SORCS3: variants seen among roughly 807,000 people sequenced by gnomAD.
SORCS3 encodes VPS10 domain-containing receptor SorCS3.
SORCS3 carries 57 observed loss-of-function variants against 146.3 expected under a neutral mutation model. That is an observed-to-expected ratio of 0.39 (90% CI 0.31 to 0.49). The LOEUF (loss-of-function observed/expected upper bound fraction) is 0.49. Ranked by LOEUF, SORCS3 falls within the 20% of genes least tolerant of loss-of-function variation. SORCS3 has a pLI of 0.92. For synonymous variants in SORCS3, 653 were observed against 618.5 expected (o/e 1.06, Z -0.83); for missense variants, 1,341 against 1,575.5 (o/e 0.85, Z 2.52).
chr10:104,848,414 A>G (rs2018232281), intron 2 of SORCS3, among the ~76,000 whole-genome samples: 1 of 152,310 alleles, frequency 6.6e-6, no homozygotes, highest in African/African-American at 2.4e-5. Flanking sequence ...AAGACTTCCC[A>G]GAAGTTATTA....
intron 1 of SORCS3, among the ~76,000 whole-genome samples, chr10:104,667,018 G>T (rs1300851482): frequency 1.3e-5 from 2 of 152,044 alleles, no homozygotes; most frequent in Non-Finnish European, 2.9e-5. Flanking sequence ...AGAGGAGAGA[G>T]AAGAGAGAGA....
chr10:104,977,951 C>T (rs1039031947), intron 4 of SORCS3, among the ~76,000 whole-genome samples: 1 of 151,802 alleles, frequency 6.6e-6, no homozygotes, highest in African/African-American at 2.4e-5. Context: ...AGGATGGTCT[C>T]GATCTCTTAA....
At chr10:105,154,334 C>T (rs1589658714) in intron 9 of SORCS3, among the ~76,000 whole-genome samples, 4 of 152,290 alleles carry the variant, frequency 2.6e-5, no homozygotes, top group Admixed American at 2.0e-4. Context: ...ATGGTAATTG[C>T]TTTTCTCAGC....
rs574115121 is a variant in SORCS3 at position 105,141,987 on chromosome 10, T to A, written c.1302+2501T>A. On this transcript the variant is annotated intron_variant, in intron 8 of 26. Transcript: ENST00000369701. Reference sequence around the variant, plus strand: ...TAAAGTGTTCGACAAATCTAAGGAATGGTTTTGGTCTGGGGGTAATAATAC... The same window carrying A: ...TAAAGTGTTCGACAAATCTAAGGAAAGGTTTTGGTCTGGGGGTAATAATAC... Among the ~76,000 whole-genome samples, 16 of 152,294 alleles carry A rather than the reference T, an allele frequency of 1.1e-4. 2 individuals carry two copies. The South Asian group carries it at 3.1e-3, about 30-fold the overall frequency.
At position 105,263,517 on chromosome 10, in the gene SORCS3, C is replaced by A. The variant is rs2056974094; in HGVS notation, c.*143C>A. On this transcript the variant is annotated 3_prime_UTR_variant, in exon 27 of 27. Coordinates refer to ENST00000369701, the MANE Select transcript of SORCS3 (RefSeq NM_014978.3). ...TCATAAATAGCAGGCAAATGCCTAG[C>A]TTTGGGAGAAAAGGGCATTCTTAGC... is the stretch of plus-strand genomic sequence containing the variant. The A allele has an allele frequency of 9.7e-6, 7 of 725,146 alleles. No individual in the cohort carries two copies. Among genetic ancestry groups the A allele is most frequent in the Non-Finnish European group, 1.4e-5 (6 of 437,810 alleles). 44.9% of individuals were successfully genotyped at this position (725,146 alleles called of 1,614,324 possible).
intron 1 of SORCS3, among the ~76,000 whole-genome samples, chr10:104,670,211 A>AT (rs1199479394): frequency 1.3e-5 from 2 of 151,954 alleles, no homozygotes; most frequent in Non-Finnish European, 2.9e-5. Flanking sequence ...TGATATATAA[A>AT]TTTTTTTAAT....
intron 2 of SORCS3, among the ~76,000 whole-genome samples, chr10:104,868,354 T>C (rs1330257831): frequency 6.6e-6 from 1 of 152,228 alleles, no homozygotes; most frequent in Non-Finnish European, 1.5e-5. Flanking sequence ...CAATGCATGA[T>C]ATATTGCTGT....
intron 20 of SORCS3, among the ~76,000 whole-genome samples, chr10:105,234,107 C>A (rs938281726): frequency 2.6e-5 from 4 of 152,056 alleles, no homozygotes; most frequent in Non-Finnish European, 5.9e-5. Context: ...AGAAAACATT[C>A]TTTTCTTCTT....
chr10:105,100,808 A>G (rs190979996), intron 6 of SORCS3, among the ~76,000 whole-genome samples: 1 of 152,372 alleles, frequency 6.6e-6, no homozygotes, highest in Admixed American at 6.5e-5. Flanking sequence ...TCTTCATAAT[A>G]AAAAATAACT....
chr10:105,000,614 T>C (rs2055055311), intron 4 of SORCS3, among the ~76,000 whole-genome samples: 3 of 152,166 alleles, frequency 2.0e-5, no homozygotes. Context: ...CCAAATCATA[T>C]TCATAGCTAC....
At chr10:105,157,345 T>G (rs1261068082) in intron 10 of SORCS3, 61 bp downstream of exon 10, 2 of 1,593,652 alleles carry the variant, frequency 1.3e-6, no homozygotes, top group Non-Finnish European at 1.7e-6. Context: ...AGAAGCTGTG[T>G]CGAGGGCTTT....
intron 1 of SORCS3, among the ~76,000 whole-genome samples, chr10:104,779,522 G>A (rs1282851173): frequency 6.6e-6 from 1 of 152,182 alleles, no homozygotes; most frequent in Non-Finnish European, 1.5e-5. Flanking sequence ...ACCAGGACTT[G>A]CAGTGTGGAC....
At chr10:105,135,944 G>T (rs1005411790) in intron 7 of SORCS3, among the ~76,000 whole-genome samples, 2 of 152,116 alleles carry the variant, frequency 1.3e-5, no homozygotes, top group African/African-American at 4.8e-5. Context: ...CACTTCTTCT[G>T]AAGAAGGGTC....
intron 12 of SORCS3, among the ~76,000 whole-genome samples, chr10:105,166,486 G>A (rs1440908086): frequency 6.6e-6 from 1 of 152,198 alleles, no homozygotes; most frequent in Admixed American, 6.5e-5. Context: ...ATTGATATAT[G>A]TGGGCTTAGG....
intron 14 of SORCS3, among the ~76,000 whole-genome samples, chr10:105,186,594 C>T (rs2056478092): frequency 6.6e-6 from 1 of 151,940 alleles, no homozygotes; most frequent in Non-Finnish European, 1.5e-5. Context: ...TTAAATTTCC[C>T]TATCTTAACC....
chr10:104,907,154 T>TGTG (rs2018914901), intron 2 of SORCS3, among the ~76,000 whole-genome samples: 1 of 151,708 alleles, frequency 6.6e-6, no homozygotes, highest in African/African-American at 2.4e-5. Context: ...TGTGTGTGTG[T>TGTG]AATACACTCT....
chr10:104,644,646 C>T (rs1285619426), intron 1 of SORCS3, among the ~76,000 whole-genome samples: 1 of 152,196 alleles, frequency 6.6e-6, no homozygotes, highest in Non-Finnish European at 1.5e-5. Flanking sequence ...AAACAGAGAA[C>T]ATGGGGCCTA....
intron 1 of SORCS3, among the ~76,000 whole-genome samples, chr10:104,679,737 A>C (rs2015950040): frequency 6.6e-6 from 1 of 152,084 alleles, no homozygotes; most frequent in African/African-American, 2.4e-5. Flanking sequence ...GCAACATTCC[A>C]TTTCTTTCCT....
chr10:104,767,069 A>C (rs1008433628), intron 1 of SORCS3, among the ~76,000 whole-genome samples: 2 of 152,186 alleles, frequency 1.3e-5, no homozygotes, highest in African/African-American at 4.8e-5. Context: ...TCAGATTCAC[A>C]TTCCTTCAAT....
Sources: allele counts gnomAD v4.1 joint callset (sites outside exome capture counted in the v4.1 genomes callset), GRCh38; gene constraint gnomAD v4.1.1; transcripts MANE v1.5; gene names NCBI Gene and HGNC (gene_info 2026-07-23, HGNC 2026-07-21).